CNIH3: variants seen among roughly 807,000 people sequenced by gnomAD.
CNIH3 encodes the protein cornichon family AMPA receptor auxiliary protein 3, also known as protein cornichon homolog 3.
CNIH3 carries 14 observed loss-of-function variants against 24.1 expected under a neutral mutation model. That is an observed-to-expected ratio of 0.58 (90% CI 0.38 to 0.91). The LOEUF is 0.91. Ranked by LOEUF, CNIH3 falls within the 40% of genes least tolerant of loss-of-function variation. The pLI is 0.00. For missense variants in CNIH3, 178 were observed against 196.8 expected (o/e 0.90, Z 0.57); for synonymous variants, 68 against 73.8 (o/e 0.92, Z 0.40).
At chr1:224,461,585 A>G (rs1370528506) in intron 1 of CNIH3, among the ~76,000 whole-genome samples, 1 of 152,236 alleles carries the variant, frequency 6.6e-6, no homozygotes, top group Admixed American at 6.5e-5. Flanking sequence ...CATATACCTT[A>G]CATAAATGAT....
chr1:224,562,902 C>T (rs1031566886), intron 3 of CNIH3, among the ~76,000 whole-genome samples: 2 of 152,130 alleles, frequency 1.3e-5, no homozygotes, highest in Non-Finnish European at 2.9e-5. Context: ...TAAAAGATAA[C>T]ACAAAGTGCT....
At chr1:224,554,896 A>G (rs1206752493) in intron 3 of CNIH3, among the ~76,000 whole-genome samples, 1 of 152,180 alleles carries the variant, frequency 6.6e-6, no homozygotes, top group African/African-American at 2.4e-5. Context: ...CCAGTATAAC[A>G]ACTACTTACA....
At chr1:224,596,236 AT>A (rs1291028808) in intron 3 of CNIH3, among the ~76,000 whole-genome samples, 1 of 152,222 alleles carries the variant, frequency 6.6e-6, no homozygotes, top group African/African-American at 2.4e-5. Context: ...GCCAATGCTC[AT>A]TTACCATTCC....
chr1:224,640,437 T>A (rs1684301463), intron 1 of CNIH3, among the ~76,000 whole-genome samples: 1 of 152,224 alleles, frequency 6.6e-6, no homozygotes, highest in Admixed American at 6.5e-5. Context: ...AGCAAGATGC[T>A]TAGAAAAGCC....
intron 1 of CNIH3, among the ~76,000 whole-genome samples, chr1:224,446,934 C>T (rs1027792108): frequency 3.3e-5 from 5 of 152,092 alleles, no homozygotes; most frequent in African/African-American, 1.2e-4. Flanking sequence ...ACTCACTTGC[C>T]TTCTAGCCTG....
chr1:224,596,923 C>T (rs967129363), intron 3 of CNIH3, among the ~76,000 whole-genome samples: 10 of 152,100 alleles, frequency 6.6e-5, no homozygotes, highest in African/African-American at 1.4e-4. Flanking sequence ...GAGACCAAGG[C>T]GGGTGGAACA....
intron 3 of CNIH3, among the ~76,000 whole-genome samples, chr1:224,597,790 A>G (rs1392819674): frequency 6.6e-6 from 1 of 152,134 alleles, no homozygotes; most frequent in African/African-American, 2.4e-5. Flanking sequence ...AAATTAATCT[A>G]CCCCAAGGAA....
In CNIH3 at chr1:224,684,847, A is replaced by G. The variant is rs1357803145; in HGVS notation, c.198+4A>G. 1.9e-6 allele frequency: 3 copies of G among 1,613,740 alleles called. No individual in the cohort carries two copies. Among genetic ancestry groups the G allele is most frequent in the East Asian group, 2.2e-5 (1 of 44,892 alleles). On this transcript the variant is annotated splice_donor_region_variant and intron_variant, in intron 3 of 5. Transcript: ENST00000272133. The surrounding 1 kb of genome is among the most constrained non-coding windows in gnomAD (Gnocchi z 4.2). Reference sequence around the variant, plus strand: ...CATCTGCTTCCTTCTGCGAAAGGTCAGTGTGGCAGCTTCATGCCGAGGATG... The same window carrying G: ...CATCTGCTTCCTTCTGCGAAAGGTCGGTGTGGCAGCTTCATGCCGAGGATG...
chr1:224,550,498 T>C (rs1314907222), intron 3 of CNIH3, among the ~76,000 whole-genome samples: 1 of 152,138 alleles, frequency 6.6e-6, no homozygotes, highest in Admixed American at 6.6e-5. Context: ...CTGGATATTA[T>C]AGAAATATGA....
intron 1 of CNIH3, among the ~76,000 whole-genome samples, chr1:224,463,439 ACT>A (rs747158553): frequency 5.5e-4 from 82 of 149,792 alleles, no homozygotes; most frequent in Non-Finnish European, 7.2e-4. Flanking sequence ...GCGGAGCTTC[ACT>A]CTTGTTGCCT....
At chr1:224,737,215 C>A (rs1203884145) in intron 5 of CNIH3, among the ~76,000 whole-genome samples, 1 of 14,692 alleles carries the variant, frequency 6.8e-5, no homozygotes, top group Non-Finnish European at 1.2e-4. Flanking sequence ...TGCTCCGCTG[C>A]GGGGGTGGGA....
intron 1 of CNIH3, among the ~76,000 whole-genome samples, chr1:224,449,181 G>A (rs1461763138): frequency 6.6e-6 from 1 of 151,740 alleles, no homozygotes; most frequent in East Asian, 1.9e-4. Context: ...GGCCAGGATG[G>A]TCTCGATCTC....
intron 1 of CNIH3, among the ~76,000 whole-genome samples, chr1:224,501,460 T>A (rs1469798238): frequency 6.6e-6 from 1 of 151,568 alleles, no homozygotes; most frequent in Non-Finnish European, 1.5e-5. Context: ...TATAAGCGAA[T>A]TGCCCAAGGT....
chr1:224,563,460 G>GGTGTGTGTGT (rs55836837), intron 3 of CNIH3, among the ~76,000 whole-genome samples: 134 of 146,472 alleles, frequency 9.1e-4, no homozygotes, highest in African/African-American at 2.9e-3. Context: ...TTTTAGACGG[G>GGTGTGTGTGT]GTGTGTGTGT....
At chr1:224,500,021 T>G (rs1247734819) in intron 1 of CNIH3, among the ~76,000 whole-genome samples, 2 of 152,148 alleles carry the variant, frequency 1.3e-5, no homozygotes, top group Admixed American at 6.5e-5. Flanking sequence ...TTTTTCTTTT[T>G]GAGACAGGAT....
chr1:224,730,377 T>C (rs1382579736), intron 3 of CNIH3, 85 bp from the exon 4 acceptor site: 2 of 819,524 alleles, frequency 2.4e-6, no homozygotes. Context: ...TGAGAGGCAG[T>C]GTCCAGGCAG....
intron 1 of CNIH3, among the ~76,000 whole-genome samples, chr1:224,452,588 T>A (rs540601918): frequency 6.7e-6 from 1 of 149,360 alleles, no homozygotes; most frequent in Non-Finnish European, 1.5e-5. Context: ...GAGACCATCC[T>A]GGCTAACACG....
intron 2 of CNIH3, among the ~76,000 whole-genome samples, chr1:224,532,801 T>TTA (rs1384050668): frequency 1.3e-5 from 2 of 152,086 alleles, no homozygotes; most frequent in African/African-American, 4.8e-5. Flanking sequence ...AGTAAAGACT[T>TTA]TATATATATC....
intron 5 of CNIH3, among the ~76,000 whole-genome samples, chr1:224,585,835 A>G (rs1163281850): frequency 1.3e-5 from 2 of 152,118 alleles, no homozygotes; most frequent in East Asian, 1.9e-4. Context: ...ACATGAATCA[A>G]TGGCTCAAAG....
Sources: allele counts gnomAD v4.1 joint callset (sites outside exome capture counted in the v4.1 genomes callset), GRCh38; gene constraint gnomAD v4.1.1; non-coding constraint Gnocchi (gnomAD v3.1); transcripts MANE v1.5; gene names NCBI Gene and HGNC (gene_info 2026-07-23, HGNC 2026-07-21).